The following MGAT5 variants were observed in gnomAD, a reference collection of about 807,000 sequenced individuals.
MGAT5 encodes alpha-1,6-mannosylglycoprotein 6-beta-N-acetylglucosaminyltransferase.
In MGAT5, 30 loss-of-function variants were observed where a neutral mutation model predicts 94.3. The ratio of observed to expected loss-of-function variants is 0.32; its 90% CI spans 0.24 to 0.43. The LOEUF (loss-of-function observed/expected upper bound fraction) is 0.43. Among genes scored for constraint, MGAT5 ranks in the 20% least tolerant of loss-of-function variants. MGAT5 has a pLI of 1.00. For synonymous variants in MGAT5, 310 were observed against 322.9 expected (o/e 0.96, Z 0.43); for missense variants, 691 against 905.5 (o/e 0.76, Z 3.04).
intron 13 of MGAT5, among the ~76,000 whole-genome samples, chr2:134,424,561 AC>A (rs1684472997): frequency 1.3e-5 from 2 of 152,178 alleles, no homozygotes; most frequent in Non-Finnish European, 2.9e-5. Context: ...AAGCTTCACT[AC>A]TGGAGTCATT....
chr2:134,240,356 T>G (rs969114381), intron 1 of MGAT5, among the ~76,000 whole-genome samples: 1 of 49,130 alleles, frequency 2.0e-5, no homozygotes, highest in Non-Finnish European at 4.9e-5. Flanking sequence ...AAAATGAAAG[T>G]GTTTTTTTTT....
In MGAT5 at chr2:134,338,353, A is replaced by G; in HGVS notation, c.740A>G (p.Asp247Gly). The G allele has an allele frequency of 6.2e-7, 1 of 1,613,190 alleles. No homozygotes were observed. Residue 247 changes from aspartate (D) to glycine (G), a missense_variant, in exon 6 of 16, where the codon GAC becomes GGC. Transcript: ENST00000281923. Reference protein sequence around the residue: ...WMRLRIRRMADAWIQAIKSLA... With the variant: ...WMRLRIRRMAGAWIQAIKSLA... ...AGACTACGGATCCGGCGAATGGCTG[A>G]CGCATGGATCCAAGCAATCAAGTCC...
intron 1 of MGAT5, among the ~76,000 whole-genome samples, chr2:134,151,626 G>C (rs1322879658): frequency 1.3e-5 from 1 of 77,914 alleles, no homozygotes; most frequent in Admixed American, 1.4e-4. Context: ...CCTCACTCAC[G>C]CCCTATGGGA....
At chr2:134,124,968 A>G (rs1685774473) in intron 1 of MGAT5, among the ~76,000 whole-genome samples, 1 of 152,174 alleles carries the variant, frequency 6.6e-6, no homozygotes, top group South Asian at 2.1e-4. Flanking sequence ...GTTTTTTAAA[A>G]ATTATTATTA....
intron 14 of MGAT5, among the ~76,000 whole-genome samples, chr2:134,433,989 A>T (rs1056650938): frequency 2.0e-5 from 3 of 152,194 alleles, no homozygotes; most frequent in African/African-American, 7.2e-5. Context: ...TAACTCTGTG[A>T]AAGAGTTGGC....
At chr2:134,136,344 A>G (rs1257579948) in intron 1 of MGAT5, among the ~76,000 whole-genome samples, 1 of 152,150 alleles carries the variant, frequency 6.6e-6, no homozygotes, top group Non-Finnish European at 1.5e-5. Context: ...AGGTGGGCGG[A>G]CCACTTGAGG....
chr2:134,130,236 C>T (rs1475673680), intron 1 of MGAT5, among the ~76,000 whole-genome samples: 5 of 147,580 alleles, frequency 3.4e-5, no homozygotes, highest in Admixed American at 6.7e-5. Context: ...CGCCCCACAC[C>T]GCCCCACACC....
chr2:134,236,699 A>G (rs541559619), intron 1 of MGAT5, among the ~76,000 whole-genome samples: 37 of 152,298 alleles, frequency 2.4e-4, no homozygotes, highest in Middle Eastern at 3.4e-3. Flanking sequence ...TAGCAGTGTG[A>G]GAACAGACTA....
At chr2:134,301,342 C>G (rs1226568440) in intron 2 of MGAT5, among the ~76,000 whole-genome samples, 2 of 151,998 alleles carry the variant, frequency 1.3e-5, no homozygotes, top group Non-Finnish European at 2.9e-5. Flanking sequence ...GACACATGAG[C>G]CTGTCTTTTT....
chr2:134,318,318 A>T (rs140702383), intron 3 of MGAT5, among the ~76,000 whole-genome samples: 1,793 of 152,168 alleles, frequency 0.012, 16 homozygotes, highest in South Asian at 0.032. Context: ...GGGGGTGTAG[A>T]TATCAGAGTC....
At chr2:134,369,383 T>C (rs957417673) in intron 10 of MGAT5, among the ~76,000 whole-genome samples, 1 of 152,116 alleles carries the variant, frequency 6.6e-6, no homozygotes, top group African/African-American at 2.4e-5. Context: ...GGGAGATGGA[T>C]GGGAACAAGA....
chr2:134,319,803 G>A, intron 4 of MGAT5: 1 of 397,386 alleles, frequency 2.5e-6, no homozygotes, highest in Non-Finnish European at 5.1e-6. Flanking sequence ...GGTGCATTCT[G>A]GGTCCGTACA....
rs1387386158 is a variant in MGAT5 at position 134,449,141 on chromosome 2, C to T, written c.*294C>T. Reference sequence around the variant, plus strand: ...GACTGTCACTGCAGCTGCTCCAGGGCAAAAGAAAGTCTCAAGAGTCCTTTA... The same window carrying T: ...GACTGTCACTGCAGCTGCTCCAGGGTAAAAGAAAGTCTCAAGAGTCCTTTA... On this transcript the variant is annotated 3_prime_UTR_variant, in exon 16 of 16. Transcript: ENST00000281923. The T allele has an allele frequency of 5.2e-6, 2 of 384,444 alleles. No individual in the cohort carries two copies. The highest frequency in any genetic ancestry group is 9.5e-6 in the Non-Finnish European group (2 of 210,312). 23.8% of individuals were successfully genotyped at this position (384,444 alleles called of 1,614,324 possible).
At chr2:134,194,427 C>T (rs1679396286) in intron 1 of MGAT5, among the ~76,000 whole-genome samples, 3 of 152,034 alleles carry the variant, frequency 2.0e-5, no homozygotes, top group Admixed American at 2.0e-4. Flanking sequence ...TATTCTTGAT[C>T]CTTTATTCTT....
intron 1 of MGAT5, among the ~76,000 whole-genome samples, chr2:134,169,891 A>T (rs73958165): frequency 0.014 from 2,198 of 152,252 alleles, 71 homozygotes; most frequent in African/African-American, 0.051. Context: ...TCTGATTCTT[A>T]AGGTAAAATC....
intron 1 of MGAT5, among the ~76,000 whole-genome samples, chr2:134,202,083 A>G (rs1159259166): frequency 6.6e-6 from 1 of 151,894 alleles, no homozygotes; most frequent in Non-Finnish European, 1.5e-5. Context: ...TCAGTAACTC[A>G]TATCTATCTA....
intron 8 of MGAT5, 117 bp from the exon 9 acceptor site, chr2:134,349,688 C>A: frequency 1.8e-6 from 2 of 1,141,464 alleles, no homozygotes; most frequent in Non-Finnish European, 2.5e-6. Context: ...TCTGGTCCTG[C>A]TTCTATTTAA....
chr2:134,189,599 T>TTTTTG (rs1337434522), intron 1 of MGAT5, among the ~76,000 whole-genome samples: 12 of 76,912 alleles, frequency 1.6e-4, no homozygotes, highest in African/African-American at 7.7e-4. Flanking sequence ...CTAGTTTTTT[T>TTTTTG]TTGTTTTTTT....
At chr2:134,143,888 G>A (rs1338560900) in intron 1 of MGAT5, among the ~76,000 whole-genome samples, 1 of 152,168 alleles carries the variant, frequency 6.6e-6, no homozygotes, top group African/African-American at 2.4e-5. Context: ...GATTTTGCTG[G>A]GTAATTATTA....
Sources: allele counts gnomAD v4.1 joint callset (sites outside exome capture counted in the v4.1 genomes callset), GRCh38; gene constraint gnomAD v4.1.1; transcripts MANE v1.5; gene names NCBI Gene and HGNC (gene_info 2026-07-23, HGNC 2026-07-21).